Variants in SDCCAG8 observed in about 807,000 individuals in gnomAD.
SDCCAG8 encodes the protein SHH signaling and ciliogenesis regulator SDCCAG8.
A neutral mutation model predicts 101.8 loss-of-function variants in SDCCAG8; 74 were observed. The ratio of observed to expected loss-of-function variants is 0.73; its 90% CI spans 0.60 to 0.88. The LOEUF is 0.88. Ranked by LOEUF, SDCCAG8 falls within the 40% of genes least tolerant of loss-of-function variation. The probability of loss-of-function intolerance (pLI) is 0.00; values close to 1 mark genes in which losing one functional copy is unlikely to be tolerated. For missense variants in SDCCAG8, 787 were observed against 822.6 expected, an observed-to-expected ratio of 0.96 and a Z score of 0.53; for synonymous variants, 281 against 292.9, an observed-to-expected ratio of 0.96 and a Z score of 0.41.
chr1:243,470,466 T>G (rs556339811), intron 16 of SDCCAG8, among the ~76,000 whole-genome samples: 5 of 152,062 alleles, frequency 3.3e-5, no homozygotes, highest in Non-Finnish European at 7.4e-5. Flanking sequence ...AGAGTAGAAT[T>G]TTTTTTTCCT....
chr1:243,295,943 T>C (rs1385037329), intron 6 of SDCCAG8, among the ~76,000 whole-genome samples: 2 of 152,196 alleles, frequency 1.3e-5, no homozygotes, highest in Admixed American at 6.5e-5. Context: ...AGGGTTTCAT[T>C]CTGGGACTTT....
At position 243,355,314 on chromosome 1, in the gene SDCCAG8, T is replaced by TTC. The variant is rs10579765; in HGVS notation, c.1473+11011_1473+11012dup. Among the ~76,000 whole-genome samples the TTC allele has an allele frequency of 1.4e-3, 206 of 147,664 alleles. 1 individual carries two copies. The highest frequency in any genetic ancestry group is 3.5e-3 in the Middle Eastern group (1 of 286). Reference sequence around the variant, plus strand: ...TACTTACAACTGAAGTCCTGATACCTTCTCTCTCTCTCTCTCTCTCTCTCT... The same window carrying TTC: ...TACTTACAACTGAAGTCCTGATACCTTCTCTCTCTCTCTCTCTCTCTCTCTCT... On this transcript the variant is annotated intron_variant, in intron 12 of 17. Transcript: ENST00000366541.
chr1:243,283,284 G>A (rs79529490), intron 4 of SDCCAG8, among the ~76,000 whole-genome samples: 6,742 of 151,484 alleles, frequency 0.045, 287 homozygotes, highest in African/African-American at 0.12. Flanking sequence ...CTTGGTGTTC[G>A]GTGAGCTTCC....
intron 17 of SDCCAG8, 40 bp downstream of exon 17, chr1:243,489,180 G>T (rs201090097): frequency 1.6e-5 from 25 of 1,605,562 alleles, no homozygotes; most frequent in Non-Finnish European, 2.1e-5. Flanking sequence ...GTCCTTGGGC[G>T]GGCGTCTACA....
intron 13 of SDCCAG8, among the ~76,000 whole-genome samples, chr1:243,393,776 G>A (rs1482198851): frequency 1.3e-5 from 2 of 152,088 alleles, no homozygotes; most frequent in African/African-American, 4.8e-5. Context: ...TTTTTTATAT[G>A]CTTTCTACCA....
At chr1:243,467,021 A>G (rs959295381) in intron 16 of SDCCAG8, among the ~76,000 whole-genome samples, 6 of 152,224 alleles carry the variant, frequency 3.9e-5, no homozygotes, top group Non-Finnish European at 7.3e-5. Context: ...AATCCTTTCT[A>G]GATGCCTTCA....
intron 13 of SDCCAG8, among the ~76,000 whole-genome samples, chr1:243,394,653 A>T (rs2078927066): frequency 6.6e-6 from 1 of 152,242 alleles, no homozygotes; most frequent in South Asian, 2.1e-4. Context: ...CAGAATGTAG[A>T]TAAATTAAGG....
chr1:243,372,770 G>T (rs537846149), intron 12 of SDCCAG8, among the ~76,000 whole-genome samples: 1 of 151,404 alleles, frequency 6.6e-6, no homozygotes, highest in Non-Finnish European at 1.5e-5. Flanking sequence ...TGAGGTGGGA[G>T]GATTGCTTGA....
intron 3 of SDCCAG8, among the ~76,000 whole-genome samples, chr1:243,273,872 A>G (rs1011525111): frequency 3.3e-5 from 5 of 152,134 alleles, no homozygotes; most frequent in Admixed American, 2.6e-4. Context: ...TCCATTCACT[A>G]TATGTGCTTT....
intron 12 of SDCCAG8, among the ~76,000 whole-genome samples, chr1:243,371,697 T>G (rs1397342277): frequency 6.6e-6 from 1 of 152,146 alleles, no homozygotes; most frequent in Non-Finnish European, 1.5e-5. Flanking sequence ...TTTCTACTTA[T>G]AATATCCTTT....
At chr1:243,274,518 T>C in intron 3 of SDCCAG8, 25 bp from the exon 4 acceptor site, 1 of 1,250,394 alleles carries the variant, frequency 8.0e-7, no homozygotes. Flanking sequence ...TATTTATGTA[T>C]TTATTTATTT....
At chr1:243,460,586 C>A (rs1180713651) in intron 16 of SDCCAG8, among the ~76,000 whole-genome samples, 1 of 152,184 alleles carries the variant, frequency 6.6e-6, no homozygotes, top group Non-Finnish European at 1.5e-5. Context: ...ACCAAAAGCC[C>A]AATTTTCCAT....
In SDCCAG8 at chr1:243,330,657, G is replaced by T. The variant is rs1428852073; in HGVS notation, c.1186G>T (p.Glu396Ter). The change falls in exon 10 of 18, where the codon GAA becomes TAA. Residue 396 changes from glutamate to a stop codon, truncating the protein, a stop_gained. Coordinates refer to ENST00000366541, the MANE Select transcript of SDCCAG8 (RefSeq NM_006642.5). LOFTEE classifies it high-confidence loss of function. The stretch of plus-strand genomic sequence containing the variant: ...CATTGAGAAAGACATGATGAAAAAG[G>T]AAATAACGAAAGAAAGGGAGTACAT... ...RAIEKDMMKK[E>*]ITKEREYMGS... is the part of the protein sequence containing the mutation. 6.2e-7 allele frequency: 1 copy of T among 1,614,066 alleles called. No homozygotes were observed. Among genetic ancestry groups the T allele is most frequent in the Middle Eastern group, 1.6e-4 (1 of 6,062 alleles).
chr1:243,301,742 C>T (rs922070625), intron 6 of SDCCAG8, among the ~76,000 whole-genome samples: 1 of 151,478 alleles, frequency 6.6e-6, no homozygotes, highest in Non-Finnish European at 1.5e-5. Context: ...TACCTGTAGA[C>T]TCTAATATAA....
At chr1:243,270,406 G>T in intron 2 of SDCCAG8, 149 bp downstream of exon 2, 2 of 935,572 alleles carry the variant, frequency 2.1e-6, no homozygotes, top group Non-Finnish European at 3.3e-6. Flanking sequence ...GCTTAATCTT[G>T]TTTTCCTTTG....
rs765453394 is a variant in SDCCAG8 at position 243,256,153 on chromosome 1, C to T, written c.-21C>T. 6.2e-7 allele frequency: 1 copy of T among 1,611,772 alleles called. No homozygotes were observed. Among genetic ancestry groups the T allele is most frequent in the East Asian group, 2.2e-5 (1 of 44,886 alleles). On this transcript the variant is annotated 5_prime_UTR_variant, in exon 1 of 18. Coordinates refer to ENST00000366541, the MANE Select transcript of SDCCAG8 (RefSeq NM_006642.5). ...GGACATTTCCCCACGTAACTCCCAG[C>T]TCTGGGCCTAGAGTGCGTGCATGGC...
Position 243,416,068 on chromosome 1 carries a change from A to G in SDCCAG8, c.1744+239A>G, listed in dbSNP as rs768049996. On this transcript the variant is annotated intron_variant, in intron 14 of 17. Coordinates refer to ENST00000366541, the MANE Select transcript of SDCCAG8 (RefSeq NM_006642.5). This position sits in a 1 kb window ranked among gnomAD's most constrained non-coding sequence, Gnocchi z 4.3. ...TCACATCTGTTGCACCATCTGGATT[A>G]TGAGTTTATTTACCTGTGTTCAAGA... Among the ~76,000 whole-genome samples the G allele has an allele frequency of 4.6e-5, 7 of 152,344 alleles. No individual in the cohort carries two copies. Among genetic ancestry groups the G allele is most frequent in the East Asian group, 3.9e-4 (2 of 5,188 alleles).
chr1:243,497,470 G>C (rs1305991453), intron 17 of SDCCAG8, among the ~76,000 whole-genome samples: 2 of 152,194 alleles, frequency 1.3e-5, no homozygotes, highest in South Asian at 2.1e-4. Flanking sequence ...CCGCAGGAAG[G>C]AATCAGGCTG....
chr1:243,451,611 G>A (rs1184853527), intron 16 of SDCCAG8, among the ~76,000 whole-genome samples: 1 of 152,100 alleles, frequency 6.6e-6, no homozygotes, highest in East Asian at 1.9e-4. Context: ...CATGCATACA[G>A]ACACTTACGT....
Sources: allele counts gnomAD v4.1 joint callset (sites outside exome capture counted in the v4.1 genomes callset), GRCh38; gene constraint gnomAD v4.1.1; non-coding constraint Gnocchi (gnomAD v3.1); transcripts MANE v1.5; gene names NCBI Gene and HGNC (gene_info 2026-07-23, HGNC 2026-07-21).